The following MYO5C variants were observed in gnomAD, a reference collection of about 807,000 sequenced individuals.
MYO5C encodes myosin VC, also known as unconventional myosin-Vc.
Under a neutral mutation model 235.7 loss-of-function variants are expected in MYO5C, and 194 were observed. That is an observed-to-expected ratio of 0.82 (90% CI 0.73 to 0.93). The LOEUF (loss-of-function observed/expected upper bound fraction) is 0.93, where lower values mean the gene tolerates loss of function less well. Ranked by LOEUF, MYO5C falls within the 40% of genes least tolerant of loss-of-function variation. The pLI, the probability that MYO5C is intolerant of heterozygous loss-of-function variation, is 0.00. For synonymous variants in MYO5C, 707 were observed against 754.8 expected, an observed-to-expected ratio of 0.94 and a Z score of 1.04; for missense variants, 2,038 against 2,127.2, an observed-to-expected ratio of 0.96 and a Z score of 0.82.
chr15:52,235,634 C>T, intron 23 of MYO5C, 36 bp downstream of exon 23: 1 of 1,517,480 alleles, frequency 6.6e-7, no homozygotes, highest in Non-Finnish European at 9.1e-7. Context: ...GTGACTAAAT[C>T]AGTGAATGTC....
intron 1 of MYO5C, among the ~76,000 whole-genome samples, chr15:52,284,176 T>C (rs1030199354): frequency 6.7e-6 from 1 of 149,958 alleles, no homozygotes; most frequent in Non-Finnish European, 1.5e-5. Context: ...TGGCCAAAAA[T>C]TGGAAACAGA....
At chr15:52,199,186 G>A (rs997357008) in intron 38 of MYO5C, among the ~76,000 whole-genome samples, 2 of 152,266 alleles carry the variant, frequency 1.3e-5, no homozygotes, top group East Asian at 3.9e-4. Context: ...GAGCCACCAC[G>A]CCCGGCCCTA....
chr15:52,219,152 A>C (rs2035620582), intron 31 of MYO5C, among the ~76,000 whole-genome samples: 1 of 152,248 alleles, frequency 6.6e-6, no homozygotes, highest in African/African-American at 2.4e-5. Flanking sequence ...ATAAAGTCAC[A>C]TAACTAAAGA....
chr15:52,211,123 C>T (rs2035432832), intron 35 of MYO5C, among the ~76,000 whole-genome samples: 1 of 152,184 alleles, frequency 6.6e-6, no homozygotes, highest in South Asian at 2.1e-4. Context: ...AACCTGGGTC[C>T]CTTCATGATC....
chr15:52,220,524 A>T lies in MYO5C; in HGVS notation c.3721+638T>A, dbSNP rs189434531. 4.7e-3 allele frequency among the ~76,000 whole-genome samples: 710 copies of T among 151,836 alleles called. 5 individuals are homozygous for T. The highest frequency in any genetic ancestry group is 0.017 in the African/African-American group (683 of 41,320). Reference sequence around the variant, plus strand: ...CATACTGCCAAGCCTGACTTATTTTAAAAAAATTTTTGGGCTGGGTTCAGT... The same window carrying T: ...CATACTGCCAAGCCTGACTTATTTTTAAAAAATTTTTGGGCTGGGTTCAGT... On this transcript the variant is annotated intron_variant, in intron 30 of 40. Transcript: ENST00000261839.
At chr15:52,235,884 T>A in intron 22 of MYO5C, 121 bp from the exon 23 acceptor site, 1 of 615,698 alleles carries the variant, frequency 1.6e-6, no homozygotes, top group Non-Finnish European at 2.8e-6. Flanking sequence ...TCAGCTCCTG[T>A]CTATAGATAA....
rs746279544 is a variant in MYO5C at position 52,279,585 on chromosome 15, G to C, written c.228C>G (p.Ser76Arg). The change falls in exon 3 of 41, where the codon AGC becomes AGG. Residue 76 changes from serine (S) to arginine (R), a missense_variant. Transcript: ENST00000261839. ...LVGENDLTALSYLHEPAVLHN... is the reference protein window; with the variant it reads ...LVGENDLTALRYLHEPAVLHN... ...GGAGCACCGCGGGCTCGTGAAGATA[G>C]CTGAGAGCCGTGAGGTCATTCTCGC... is the stretch of plus-strand genomic sequence containing the variant. 9.9e-6 allele frequency: 16 copies of C among 1,614,158 alleles called. No homozygotes were observed. The highest frequency in any genetic ancestry group is 1.4e-5 in the Non-Finnish European group (16 of 1,180,002).
intron 24 of MYO5C, among the ~76,000 whole-genome samples, chr15:52,232,198 G>GAAAAT (rs1566971509): frequency 2.6e-5 from 2 of 76,204 alleles, no homozygotes; most frequent in African/African-American, 1.3e-4. Flanking sequence ...AAGGGAGGAA[G>GAAAAT]GAAGGAAGGA....
At chr15:52,253,279 C>G (rs2036511315) in intron 12 of MYO5C, 38 bp downstream of exon 12, 1 of 1,591,298 alleles carries the variant, frequency 6.3e-7, no homozygotes, top group Non-Finnish European at 8.6e-7. Flanking sequence ...TCTGTTACTA[C>G]TTAAAAGCTG....
chr15:52,236,641 A>G (rs1193663566), intron 22 of MYO5C: 2 of 152,092 alleles, frequency 1.3e-5, no homozygotes. Flanking sequence ...GCGCCACCGC[A>G]CTCCAGCCCG....
intron 10 of MYO5C, among the ~76,000 whole-genome samples, chr15:52,260,128 T>G (rs1183223249): frequency 6.6e-6 from 1 of 152,226 alleles, no homozygotes; most frequent in Non-Finnish European, 1.5e-5. Context: ...CAGCTTCCAC[T>G]CTGGTTACTC....
chr15:52,242,074 A>T lies in MYO5C; in HGVS notation c.2530T>A (p.Phe844Ile). 2 of 1,613,284 alleles carry T rather than the reference A, an allele frequency of 1.2e-6. No homozygotes were observed. The highest frequency in any genetic ancestry group is 1.7e-6 in the Non-Finnish European group (2 of 1,179,602). The change falls in exon 20 of 41, where the codon TTC becomes ATC. Residue 844 changes from phenylalanine (F) to isoleucine (I), a missense_variant. Transcript: ENST00000261839. ...TITMQAYSRG[F>I]LARRRYRKML... Reference sequence around the variant, plus strand: ...TTTCGATACCTCCTCCTTGCCAGGAATCCTCGGCTGTAGGCCTGCATTGTG... The same window carrying T: ...TTTCGATACCTCCTCCTTGCCAGGATTCCTCGGCTGTAGGCCTGCATTGTG...
chr15:52,270,506 T>G (rs988153030), intron 7 of MYO5C, among the ~76,000 whole-genome samples: 1 of 152,098 alleles, frequency 6.6e-6, no homozygotes, highest in Non-Finnish European at 1.5e-5. Flanking sequence ...CACGTACGAT[T>G]TGATGAATTT....
chr15:52,200,689 AAAC>A (rs1423281781), intron 38 of MYO5C, among the ~76,000 whole-genome samples: 1 of 152,184 alleles, frequency 6.6e-6, no homozygotes, highest in African/African-American at 2.4e-5. Context: ...ACATTAAACA[AAAC>A]AACTAATAGA....
rs1167874975 is a variant in MYO5C, at chr15:52,203,956, G to A, written c.4820+909C>T. ...TACTTTCTTTGTCACCTTCCCTTAC[G>A]TCATTACCATCATCACTACCCCAGG... On this transcript the variant is annotated intron_variant, in intron 38 of 40. Transcript: ENST00000261839. Among the ~76,000 whole-genome samples, 10 of 152,124 alleles carry A rather than the reference G, an allele frequency of 6.6e-5. No homozygotes were observed. In the South Asian group the frequency reaches 1.2e-3, roughly 19 times the overall value.
At chr15:52,290,475 C>A (rs188369098) in intron 1 of MYO5C, among the ~76,000 whole-genome samples, 151 of 152,184 alleles carry the variant, frequency 9.9e-4, no homozygotes, top group Non-Finnish European at 1.6e-3. Flanking sequence ...CTTCTTTTGA[C>A]CTTGCACATC....
At chr15:52,195,525 C>CCCAATAACCAGAACCATTA in intron 39 of MYO5C, 68 bp from the exon 40 acceptor site, 1 of 1,144,704 alleles carries the variant, frequency 8.7e-7, no homozygotes, top group Non-Finnish European at 1.2e-6. Flanking sequence ...AATAATGGTT[C>CCCAATAACCAGAACCATTA]TGGTTATTGG....
intron 19 of MYO5C, 140 bp downstream of exon 19, chr15:52,244,208 AATGCTCAC>A: frequency 1.4e-6 from 1 of 692,246 alleles, no homozygotes; most frequent in East Asian, 2.7e-5. Flanking sequence ...TTCTTGCCCT[AATGCTCAC>A]GACCACAAAG....
intron 7 of MYO5C, among the ~76,000 whole-genome samples, chr15:52,271,099 G>C (rs1427400132): frequency 3.9e-5 from 6 of 152,122 alleles, no homozygotes; most frequent in Non-Finnish European, 5.9e-5. Flanking sequence ...TGATACAGGT[G>C]GTTTGTTTTA....
Sources: gnomAD v4.1 joint callset for allele counts (sites outside exome capture counted in the v4.1 genomes callset) on GRCh38, gnomAD v4.1.1 for gene constraint, MANE v1.5 for transcripts, NCBI Gene and HGNC (gene_info 2026-07-23, HGNC 2026-07-21) for gene names.